RPS15A: variants seen among roughly 807,000 people sequenced by gnomAD.
The protein encoded by RPS15A is small ribosomal subunit protein uS8.
For synonymous variants in RPS15A, 55 were observed against 58.5 expected, an observed-to-expected ratio of 0.94 and a Z score of 0.27; for missense variants, 62 against 163.4, an observed-to-expected ratio of 0.38 and a Z score of 3.38.
chr16:18,788,382 ACCCTT>A (rs1369572623), intron 2 of RPS15A, among the ~76,000 whole-genome samples: 1 of 152,086 alleles, frequency 6.6e-6, no homozygotes, highest in Admixed American at 6.6e-5. Flanking sequence ...TTTCCCCTTG[ACCCTT>A]CCTTCACTGC....
At position 18,782,813 on chromosome 16, in the gene RPS15A, C is replaced by T; in HGVS notation, c.*196G>A. On this transcript the variant is annotated 3_prime_UTR_variant, in exon 5 of 5. Transcript: ENST00000322989. ...TGGCAGACAGCAGGGGTGACTGTTTCTTAGGCATACTGGTTTCATAAGAAC... is the reference window on the plus strand; with the variant it reads ...TGGCAGACAGCAGGGGTGACTGTTTTTTAGGCATACTGGTTTCATAAGAAC... 2.0e-6 allele frequency: 1 copy of T among 488,488 alleles called. No homozygotes were observed. 30.3% of individuals were successfully genotyped at this position (488,488 alleles called of 1,614,324 possible).
At chr16:18,784,702 C>A in intron 4 of RPS15A, 36 bp downstream of exon 4, 1 of 1,472,414 alleles carries the variant, frequency 6.8e-7, no homozygotes. Flanking sequence ...AAATTCTTAG[C>A]ATTAACTTCT....
intron 3 of RPS15A, chr16:18,785,485 C>A (rs940915337): frequency 1.5e-4 from 23 of 152,220 alleles, no homozygotes; most frequent in African/African-American, 4.8e-4. Context: ...CATCACTCAA[C>A]TACATGCCAG....
At chr16:18,789,570 T>C (rs913982400) in intron 1 of RPS15A, among the ~76,000 whole-genome samples, 2 of 152,196 alleles carry the variant, frequency 1.3e-5, no homozygotes, top group East Asian at 1.9e-4. Context: ...TCCATACTAT[T>C]AACATTGTAC....
intron 2 of RPS15A, 137 bp from the exon 3 acceptor site, chr16:18,788,279 G>A: frequency 1.6e-6 from 1 of 634,526 alleles, no homozygotes; most frequent in Non-Finnish European, 2.8e-6. Flanking sequence ...GAAGACAGTT[G>A]CTCTGTATCA....
In RPS15A at chr16:18,783,410, C is replaced by T. The variant is rs572556767; in HGVS notation, c.300-308G>A. ...TTAAATTTAAATGTCACTTTCTGCTCTCAGGTAAGGAGACTTGAAAGTATT... is the reference window on the plus strand; with the variant it reads ...TTAAATTTAAATGTCACTTTCTGCTTTCAGGTAAGGAGACTTGAAAGTATT... On this transcript the variant is annotated intron_variant, in intron 4 of 4. Transcript: ENST00000322989. The T allele has an allele frequency of 8.8e-5, 33 of 375,600 alleles. 1 individual carries two copies. The highest frequency in any genetic ancestry group is 5.6e-4 in the Admixed American group (14 of 24,888). The allele number at this position is 375,600 out of a possible 1,614,324, so 23.3% of individuals were successfully genotyped here.
In RPS15A at chr16:18,782,891, G is replaced by A. The variant is rs929918798; in HGVS notation, c.*118C>T. The A allele has an allele frequency of 1.1e-5, 7 of 635,110 alleles. No individual in the cohort carries two copies. The highest frequency in any genetic ancestry group is 5.6e-5 in the Admixed American group (2 of 35,694). The allele number at this position is 635,110 out of a possible 1,614,324, so 39.3% of individuals were successfully genotyped here. A position where few individuals can be genotyped will look rare whatever the true frequency, so the allele number is the denominator to read the frequency against. On this transcript the variant is annotated 3_prime_UTR_variant, in exon 5 of 5. Transcript: ENST00000322989. ...CAGGGAATCGCATTCACCGATAAAC[G>A]AAGCAACTGCATGCTGCCGCAGAAG...
At chr16:18,788,550 C>T (rs1265718027) in intron 2 of RPS15A, 4 of 181,850 alleles carry the variant, frequency 2.2e-5, no homozygotes, top group East Asian at 1.5e-4. Context: ...AGTGCAGTGG[C>T]CGATCTCGGC....
chr16:18,784,903 T>C lies in RPS15A; in HGVS notation c.214-80A>G. ...ACTGAGTAACACAAGATGACATTCA[T>C]AAATAAACAGTCCTCCAAACCAACC... On this transcript the variant is annotated intron_variant, in intron 3 of 4. Transcript: ENST00000322989. 3 of 1,170,132 alleles carry C rather than the reference T, an allele frequency of 2.6e-6. No individual in the cohort carries two copies. The Admixed American group carries it at 6.2e-5, about 24-fold the overall frequency. The allele number at this position is 1,170,132 out of a possible 1,614,324, so 72.5% of individuals were successfully genotyped here.
In RPS15A at chr16:18,789,046, C is replaced by T; in HGVS notation, c.68G>A (p.Arg23His). 1 of 1,614,114 alleles carries T rather than the reference C, an allele frequency of 6.2e-7. No individual in the cohort carries two copies. Among genetic ancestry groups the T allele is most frequent in the East Asian group, 2.2e-5 (1 of 44,886 alleles). ...GGAGCACGGCCTAATAAGCACCTGG[C>T]GTTTGCCTCTCTTTTCGGCATTGTT... is the stretch of plus-strand genomic sequence containing the variant. The part of the protein sequence containing the change: ...SINNAEKRGK[R>H]QVLIRPCSKV... Residue 23 changes from arginine (R) to histidine (H), a missense_variant, in exon 2 of 5, where the codon CGC (arginine) becomes CAC (histidine). Arg to His is a conservative substitution (Grantham distance 29, BLOSUM62 0). Coordinates refer to ENST00000322989, the MANE Select transcript of RPS15A (RefSeq NM_001019.5).
At chr16:18,788,821 C>A in intron 2 of RPS15A, 160 bp downstream of exon 2, 1 of 693,276 alleles carries the variant, frequency 1.4e-6, no homozygotes, top group South Asian at 1.9e-5. Context: ...AGTGACTCTT[C>A]AGCAGTTTCA....
chr16:18,783,810 C>G (rs1293366200), intron 4 of RPS15A: 1 of 419,954 alleles, frequency 2.4e-6, no homozygotes, highest in East Asian at 7.1e-5. Flanking sequence ...ACCACTTTTA[C>G]GGATGAAGAA....
intron 3 of RPS15A, chr16:18,785,415 T>G (rs987624251): frequency 2.6e-5 from 4 of 152,338 alleles, no homozygotes; most frequent in Middle Eastern, 3.4e-3. Flanking sequence ...TTATCTCATC[T>G]CGTGGCTACT....
Position 18,790,296 on chromosome 16 carries a change from A to G in RPS15A, c.-58T>C, listed in dbSNP as rs1357007448. 6.6e-6 allele frequency: 1 copy of G among 152,390 alleles called. No individual in the cohort carries two copies. The highest frequency in any genetic ancestry group is 1.9e-4 in the East Asian group (1 of 5,168). 9.4% of individuals were successfully genotyped at this position (152,390 alleles called of 1,614,324 possible). A position where few individuals can be genotyped will look rare whatever the true frequency, so the allele number is the denominator to read the frequency against. On this transcript the variant is annotated 5_prime_UTR_variant, in exon 1 of 5. Transcript: ENST00000322989. Reference sequence around the variant, plus strand: ...AGACGGATGAAATTGGAGCTCTCAGAGAGTGCTACTCACCGGCGCGGAAAG... The same window carrying G: ...AGACGGATGAAATTGGAGCTCTCAGGGAGTGCTACTCACCGGCGCGGAAAG...
intron 3 of RPS15A, chr16:18,785,129 A>G (rs940384098): frequency 1.5e-5 from 4 of 258,630 alleles, no homozygotes; most frequent in Non-Finnish European, 2.2e-5. Context: ...CAGATTTTAC[A>G]TAGCCTAGAG....
chr16:18,782,729 G>GAAAAA lies in RPS15A; in HGVS notation c.*275_*279dup. 20 of 160,264 alleles carry GAAAAA rather than the reference G, an allele frequency of 1.2e-4. No individual in the cohort carries two copies. The highest frequency in any genetic ancestry group is 1.7e-4 in the Non-Finnish European group (14 of 82,926). The allele number at this position is 160,264 out of a possible 1,614,324, so 9.9% of individuals were successfully genotyped here. ...AGAGTCAGACTCTGTCTCCAAAAAAGAAAAAAAAAAAAAAAAACTGAAATA... is the reference window on the plus strand; with the variant it reads ...AGAGTCAGACTCTGTCTCCAAAAAAGAAAAAAAAAAAAAAAAAAAAAACTGAAATA... On this transcript the variant is annotated 3_prime_UTR_variant, in exon 5 of 5. Coordinates refer to ENST00000322989, the MANE Select transcript of RPS15A (RefSeq NM_001019.5).
intron 4 of RPS15A, chr16:18,783,939 T>C: frequency 3.2e-6 from 1 of 315,690 alleles, no homozygotes; most frequent in Non-Finnish European, 6.3e-6. Context: ...AGGCCTAGGC[T>C]TAGAACTGAT....
intron 4 of RPS15A, chr16:18,783,919 GT>G (rs1904004831): frequency 2.9e-6 from 1 of 344,384 alleles, no homozygotes; most frequent in Non-Finnish European, 5.7e-6. Flanking sequence ...CCCAAACTAA[GT>G]TTTCCCAAAG....
intron 4 of RPS15A, 99 bp from the exon 5 acceptor site, chr16:18,783,201 T>G: frequency 5.4e-6 from 4 of 741,354 alleles, no homozygotes; most frequent in Non-Finnish European, 6.9e-6. Context: ...TTAAGGGCGC[T>G]TTCCTGTGGG....
Sources: gnomAD v4.1 joint callset for allele counts (sites outside exome capture counted in the v4.1 genomes callset) on GRCh38, gnomAD v4.1.1 for gene constraint, MANE v1.5 for transcripts, NCBI Gene and HGNC (gene_info 2026-07-23, HGNC 2026-07-21) for gene names.